Variants in PPP1R12A observed in about 807,000 individuals in gnomAD.
The protein encoded by PPP1R12A is myosin binding subunit.
Under a neutral mutation model 139.6 loss-of-function variants are expected in PPP1R12A, and 19 were observed. That is an observed-to-expected ratio of 0.14 (90% confidence interval 0.09 to 0.20). The LOEUF (loss-of-function observed/expected upper bound fraction) is 0.20, where lower values mean the gene tolerates loss of function less well. Among genes scored for constraint, PPP1R12A ranks in the 10% least tolerant of loss-of-function variants. The probability of loss-of-function intolerance (pLI) is 1.00; values close to 1 mark genes in which losing one functional copy is unlikely to be tolerated. For synonymous variants in PPP1R12A, 427 were observed against 420.6 expected, an observed-to-expected ratio of 1.02 and a Z score of -0.19; for missense variants, 925 against 1,211.5, an observed-to-expected ratio of 0.76 and a Z score of 3.51.
intron 1 of PPP1R12A, among the ~76,000 whole-genome samples, chr12:79,921,988 T>C (rs1887473145): frequency 6.6e-6 from 1 of 152,208 alleles, no homozygotes; most frequent in African/African-American, 2.4e-5. Flanking sequence ...TGGTAGTGCA[T>C]GGCTGTAATC....
intron 22 of PPP1R12A, among the ~76,000 whole-genome samples, chr12:79,786,007 GAACA>G (rs1163669089): frequency 6.6e-6 from 1 of 152,048 alleles, no homozygotes; most frequent in Non-Finnish European, 1.5e-5. Context: ...ACCTTTACTT[GAACA>G]AACATAAAAT....
chr12:79,864,253 G>T (rs937541674), intron 2 of PPP1R12A, among the ~76,000 whole-genome samples: 3 of 152,112 alleles, frequency 2.0e-5, no homozygotes, highest in Non-Finnish European at 2.9e-5. Context: ...GGTAAATAAC[G>T]AAATGAAGGC....
intron 3 of PPP1R12A, among the ~76,000 whole-genome samples, chr12:79,844,035 TAC>T (rs966584286): frequency 5.7e-4 from 87 of 152,170 alleles, no homozygotes; most frequent in African/African-American, 2.0e-3. Context: ...TACATATATA[TAC>T]ACACACACAG....
Position 79,859,440 on chromosome 12 carries a change from T to G in PPP1R12A, c.368+13368A>C, listed in dbSNP as rs114029635. Among the ~76,000 whole-genome samples, 800 of 151,396 alleles carry G rather than the reference T, an allele frequency of 5.3e-3. 8 individuals carry two copies. Among genetic ancestry groups the G allele is most frequent in the African/African-American group, 0.017 (716 of 41,308 alleles). Reference sequence around the variant, plus strand: ...ATAGATACTGGATATATTTTAAAGCTGAGCCAACAGAAATCTTAGGATTCT... The same window carrying G: ...ATAGATACTGGATATATTTTAAAGCGGAGCCAACAGAAATCTTAGGATTCT... On this transcript the variant is annotated intron_variant, in intron 2 of 24. Transcript: ENST00000450142.
intron 20 of PPP1R12A, 60 bp from the exon 21 acceptor site, chr12:79,788,843 T>A: frequency 7.3e-7 from 1 of 1,374,078 alleles, no homozygotes. Flanking sequence ...TATAACAACA[T>A]ACATCCTAGT....
rs771989436 is a variant in PPP1R12A at position 79,934,801 on chromosome 12, A to T, written c.131T>A (p.Phe44Tyr). The T allele has an allele frequency of 6.3e-7, 1 of 1,584,414 alleles. No individual in the cohort carries two copies. The highest frequency in any genetic ancestry group is 1.8e-5 in the Admixed American group (1 of 55,868). Residue 44 changes from phenylalanine (F) to tyrosine (Y), a missense_variant, in exon 1 of 25, where the codon TTC (phenylalanine) becomes TAC (tyrosine). Transcript: ENST00000450142. ...TKVKFDDGAV[F>Y]LAACSSGDTD... ...GTCGCCGCTGGAGCAAGCAGCCAGG[A>T]AGACGGCGCCATCGTCGAACTTCAC...
At chr12:79,870,853 A>G (rs765311149) in intron 2 of PPP1R12A, among the ~76,000 whole-genome samples, 3 of 152,236 alleles carry the variant, frequency 2.0e-5, no homozygotes, top group Non-Finnish European at 4.4e-5. Context: ...TTTCCTAGCT[A>G]CAACATGGAC....
At chr12:79,908,934 A>G (rs1886337373) in intron 1 of PPP1R12A, among the ~76,000 whole-genome samples, 1 of 152,308 alleles carries the variant, frequency 6.6e-6, no homozygotes, top group Middle Eastern at 3.4e-3. Context: ...TGCATCCAGG[A>G]AGTTTCTGGA....
intron 1 of PPP1R12A, among the ~76,000 whole-genome samples, chr12:79,876,667 T>C (rs937138766): frequency 2.4e-4 from 37 of 152,224 alleles, no homozygotes; most frequent in African/African-American, 6.7e-4. Flanking sequence ...TTAACTACCA[T>C]AGAAACAAAA....
intron 6 of PPP1R12A, among the ~76,000 whole-genome samples, chr12:79,821,858 T>C (rs1876153751): frequency 6.6e-6 from 1 of 152,106 alleles, no homozygotes; most frequent in South Asian, 2.1e-4. Flanking sequence ...TAAAACACTC[T>C]AATGAAATTA....
At chr12:79,874,917 G>T (rs1317571693) in intron 1 of PPP1R12A, among the ~76,000 whole-genome samples, 1 of 152,104 alleles carries the variant, frequency 6.6e-6, no homozygotes, top group Non-Finnish European at 1.5e-5. Flanking sequence ...AGTTCTCACT[G>T]TCAGGAATGC....
At chr12:79,856,884 G>C (rs1402079737) in intron 2 of PPP1R12A, among the ~76,000 whole-genome samples, 3 of 152,212 alleles carry the variant, frequency 2.0e-5, no homozygotes, top group African/African-American at 7.2e-5. Flanking sequence ...TGGCCTATTA[G>C]CAGCAATGTT....
At chr12:79,918,195 C>T (rs1330247380) in intron 1 of PPP1R12A, among the ~76,000 whole-genome samples, 1 of 151,766 alleles carries the variant, frequency 6.6e-6, no homozygotes, top group Non-Finnish European at 1.5e-5. Context: ...CTGTATCCTG[C>T]GTTTTTTCTG....
intron 1 of PPP1R12A, among the ~76,000 whole-genome samples, chr12:79,900,074 C>G (rs1885495401): frequency 6.6e-6 from 1 of 152,204 alleles, no homozygotes; most frequent in African/African-American, 2.4e-5. Flanking sequence ...ATATTTACAG[C>G]AGAATGCTTT....
intron 5 of PPP1R12A, among the ~76,000 whole-genome samples, chr12:79,823,244 C>T (rs7975735): frequency 0.91 from 138,962 of 152,076 alleles, 63,789 homozygotes; most frequent in Middle Eastern, 0.95. Flanking sequence ...ATTTAGAATA[C>T]AGTCTTCTTT....
At chr12:79,852,981 T>A (rs1880233752) in intron 2 of PPP1R12A, among the ~76,000 whole-genome samples, 1 of 152,196 alleles carries the variant, frequency 6.6e-6, no homozygotes, top group African/African-American at 2.4e-5. Context: ...CCAGTAACAC[T>A]ACAAGTTGGG....
chr12:79,846,437 C>T (rs200009114), intron 2 of PPP1R12A, among the ~76,000 whole-genome samples: 1 of 151,536 alleles, frequency 6.6e-6, no homozygotes, highest in Admixed American at 6.6e-5. Context: ...TTTTTTCTCT[C>T]TGTTTTTTTT....
Position 79,832,317 on chromosome 12 carries a change from A to G in PPP1R12A, c.647+15T>C, listed in dbSNP as rs1349532067. ...CAAACTAAAATAGAAAAACTCTGTAAAAAACAATACTTACTTTAAAACTTC... is the reference window on the plus strand; with the variant it reads ...CAAACTAAAATAGAAAAACTCTGTAGAAAACAATACTTACTTTAAAACTTC... On this transcript the variant is annotated intron_variant, in intron 4 of 24. Coordinates refer to ENST00000450142, the MANE Select transcript of PPP1R12A (RefSeq NM_002480.3). 1.3e-6 allele frequency: 2 copies of G among 1,584,478 alleles called. No homozygotes were observed. The highest frequency in any genetic ancestry group is 2.3e-5 in the East Asian group (1 of 44,196).
At chr12:79,798,002 G>GT (rs1428329042) in intron 15 of PPP1R12A, among the ~76,000 whole-genome samples, 2 of 152,094 alleles carry the variant, frequency 1.3e-5, no homozygotes, top group Non-Finnish European at 2.9e-5. Context: ...CAAAACGGAG[G>GT]TAAGGAGATC....
Sources: allele counts gnomAD v4.1 joint callset (sites outside exome capture counted in the v4.1 genomes callset), GRCh38; gene constraint gnomAD v4.1.1; transcripts MANE v1.5; gene names NCBI Gene and HGNC (gene_info 2026-07-23, HGNC 2026-07-21).